The following ARHGAP39 variants were observed in gnomAD, a reference collection of about 807,000 sequenced individuals.
ARHGAP39 encodes Rho GTPase activating protein 39, also known as rho GTPase-activating protein 39.
A neutral mutation model predicts 106.9 loss-of-function variants in ARHGAP39; 44 were observed. The ratio of observed to expected loss-of-function variants is 0.41; its 90% CI spans 0.32 to 0.53. ARHGAP39 has a LOEUF of 0.53. Ranked by LOEUF, ARHGAP39 falls within the 20% of genes least tolerant of loss-of-function variation. ARHGAP39 has a pLI of 0.21. For synonymous variants in ARHGAP39, 768 were observed against 693.2 expected, an observed-to-expected ratio of 1.11 and a Z score of -1.69; for missense variants, 1,496 against 1,577.3, an observed-to-expected ratio of 0.95 and a Z score of 0.87.
intron 3 of ARHGAP39, among the ~76,000 whole-genome samples, chr8:144,570,115 G>A (rs1482575599): frequency 1.3e-5 from 2 of 152,190 alleles, no homozygotes; most frequent in Non-Finnish European, 2.9e-5. Context: ...CAGCTACTCA[G>A]GAGGCTGAGG....
Position 144,586,907 on chromosome 8 carries a change from C to T in ARHGAP39, c.81-5630G>A, listed in dbSNP as rs1201148710. 6.6e-6 allele frequency among the ~76,000 whole-genome samples: 1 copy of T among 150,858 alleles called. No individual in the cohort carries two copies. The highest frequency in any genetic ancestry group is 2.4e-5 in the African/African-American group (1 of 41,388). ...TTGGCTGTGTCCCCACCCAAATCTC[C>T]TCCTGAGTTGTAGTTCCCACAACCC... On this transcript the variant is annotated intron_variant, in intron 2 of 11. Coordinates refer to ENST00000377307, the MANE Select transcript of ARHGAP39 (RefSeq NM_025251.3). This position sits in a 1 kb window ranked among gnomAD's most constrained non-coding sequence, Gnocchi z 4.2.
intron 1 of ARHGAP39, among the ~76,000 whole-genome samples, chr8:144,620,064 G>T (rs371075078): frequency 5.0e-4 from 71 of 141,828 alleles, no homozygotes; most frequent in African/African-American, 1.7e-3. Flanking sequence ...CCCTGAGAGC[G>T]TGTCTGTGTG....
At chr8:144,534,603 C>A (rs1026394620) in intron 7 of ARHGAP39, among the ~76,000 whole-genome samples, 6 of 152,208 alleles carry the variant, frequency 3.9e-5, no homozygotes, top group African/African-American at 7.2e-5. Flanking sequence ...AGGCTGTGGG[C>A]AGGAGCCCCT....
intron 1 of ARHGAP39, among the ~76,000 whole-genome samples, chr8:144,639,334 AAAAAAAAG>A (rs1427440139): frequency 2.6e-5 from 4 of 151,502 alleles, no homozygotes; most frequent in African/African-American, 9.7e-5. Context: ...TCAAAAAAAA[AAAAAAAAG>A]AAAGAAAGAA....
chr8:144,677,678 G>A (rs115221469), intron 1 of ARHGAP39, among the ~76,000 whole-genome samples: 3 of 151,924 alleles, frequency 2.0e-5, no homozygotes, highest in South Asian at 2.1e-4. Flanking sequence ...AAAAGAAAAG[G>A]GTAAGGAAAA....
At chr8:144,621,796 G>A (rs2130968515) in intron 1 of ARHGAP39, among the ~76,000 whole-genome samples, 1 of 152,268 alleles carries the variant, frequency 6.6e-6, no homozygotes, top group Admixed American at 6.5e-5. Flanking sequence ...CTGCAGCCTG[G>A]GCGACAGGAG....
At chr8:144,693,589 C>T in the ARHGAP39 span, among the ~76,000 whole-genome samples, 2 of 141,268 alleles carry the variant, frequency 1.4e-5, no homozygotes, top group Non-Finnish European at 3.1e-5. Context: ...TAGCCAGGAT[C>T]GTCTGGATCT....
At chr8:144,574,345 G>A (rs1359485187) in intron 3 of ARHGAP39, among the ~76,000 whole-genome samples, 1 of 151,848 alleles carries the variant, frequency 6.6e-6, no homozygotes, top group Non-Finnish European at 1.5e-5. Context: ...GACCAGACTG[G>A]GCAACATGGC....
At chr8:144,683,526 T>A (rs1196907673) in intron 1 of ARHGAP39, 1 of 151,142 alleles carries the variant, frequency 6.6e-6, no homozygotes. Context: ...TTTGTATTTT[T>A]AGTAGAGACG....
chr8:144,576,524 G>A (rs1444635683), intron 3 of ARHGAP39, among the ~76,000 whole-genome samples: 7 of 152,080 alleles, frequency 4.6e-5, no homozygotes, highest in Admixed American at 6.6e-5. Context: ...CCAGACCCAC[G>A]GCCTCTCTGG....
chr8:144,670,137 T>G lies in ARHGAP39; in HGVS notation c.-82+15549A>C, dbSNP rs1822064397. 6.6e-6 allele frequency among the ~76,000 whole-genome samples: 1 copy of G among 151,992 alleles called. No homozygotes were observed. On this transcript the variant is annotated intron_variant, in intron 1 of 11. Coordinates refer to ENST00000377307, the MANE Select transcript of ARHGAP39 (RefSeq NM_025251.3). This position sits in a 1 kb window ranked among gnomAD's most constrained non-coding sequence, Gnocchi z 4.4. ...TAAAAAGCAACAGAGCTCGGATGCA[T>G]GCTAGAGCGTACCGGGAAGCAGGAT...
chr8:144,545,472 C>T lies in ARHGAP39; in HGVS notation c.2298G>A (p.Val766=), dbSNP rs1817373354. 1.9e-6 allele frequency: 3 copies of T among 1,598,790 alleles called. No individual in the cohort carries two copies. The highest frequency in any genetic ancestry group is 2.2e-5 in the South Asian group (2 of 90,612). Residue 766 remains valine, a synonymous_variant, in exon 6 of 12, where the codon GTG becomes GTA. Coordinates refer to ENST00000377307, the MANE Select transcript of ARHGAP39 (RefSeq NM_025251.3). ...AGCCCTTGGTGGCCACCTCCAGGGC[C>T]ACGTGCAGTGGGTCGGCCTTGGCCC... ...DRRAKADPLH[V]ALEVATKGWS...
chr8:144,589,125 C>T (rs567682106), intron 2 of ARHGAP39, among the ~76,000 whole-genome samples: 1 of 152,270 alleles, frequency 6.6e-6, no homozygotes, highest in African/African-American at 2.4e-5. Context: ...GGCATGACGG[C>T]GAGGGTATCG....
At chr8:144,698,087 T>C in the ARHGAP39 span, among the ~76,000 whole-genome samples, 7 of 152,168 alleles carry the variant, frequency 4.6e-5, no homozygotes, top group Admixed American at 3.3e-4. Context: ...TGGTACTTGG[T>C]AGGAGGTGTT....
chr8:144,564,909 G>A (rs995396919), intron 3 of ARHGAP39, among the ~76,000 whole-genome samples: 2 of 152,030 alleles, frequency 1.3e-5, no homozygotes, highest in Non-Finnish European at 2.9e-5. Context: ...AGGAGTTCGA[G>A]ACCAACCTGA....
upstream of ARHGAP39, among the ~76,000 whole-genome samples, chr8:144,686,703 C>T (rs1201008100): frequency 2.6e-5 from 4 of 152,216 alleles, no homozygotes; most frequent in Non-Finnish European, 5.9e-5. Context: ...CCCTGTTGGG[C>T]CGTCGTCACA....
At chr8:144,686,030 G>A (rs1416434089), upstream of ARHGAP39, among the ~76,000 whole-genome samples, 22 of 151,470 alleles carry the variant, frequency 1.5e-4, no homozygotes, top group Admixed American at 3.9e-4. Context: ...GAGCCGCCTG[G>A]CCCCGCCCCG....
intron 11 of ARHGAP39, 38 bp downstream of exon 11, chr8:144,530,664 G>GGGGGGGGC: frequency 8.8e-7 from 1 of 1,138,542 alleles, no homozygotes; most frequent in Non-Finnish European, 1.3e-6. Context: ...GCGGGGCGGG[G>GGGGGGGGC]AGGGGAAAGC....
intron 2 of ARHGAP39, among the ~76,000 whole-genome samples, chr8:144,595,845 A>T (rs1280399914): frequency 6.6e-6 from 1 of 152,118 alleles, no homozygotes; most frequent in Admixed American, 6.5e-5. Flanking sequence ...CAGGGGCGCC[A>T]GTGTCCCTCC....
Sources: allele counts gnomAD v4.1 joint callset (sites outside exome capture counted in the v4.1 genomes callset), GRCh38; gene constraint gnomAD v4.1.1; non-coding constraint Gnocchi (gnomAD v3.1); transcripts MANE v1.5; gene names NCBI Gene and HGNC (gene_info 2026-07-23, HGNC 2026-07-21).